Variants in OR1J2 observed in about 807,000 individuals in gnomAD.
OR1J2 encodes the protein olfactory receptor family 1 subfamily J member 2, also known as olfactory receptor 1J2.
For missense variants in OR1J2, 304 were observed against 246.1 expected (o/e 1.24, Z -1.57); for synonymous variants, 142 against 99.7 (o/e 1.42, Z -2.52).
At chr9:122,493,694 T>C in the OR1J2 span, among the ~76,000 whole-genome samples, 1 of 152,184 alleles carries the variant, frequency 6.6e-6, no homozygotes, top group East Asian at 1.9e-4. Context: ...TTTGTTTCAT[T>C]TAGTTCTGCT....
chr9:122,451,371 G>T, the OR1J2 span, among the ~76,000 whole-genome samples: 1 of 151,918 alleles, frequency 6.6e-6, no homozygotes, highest in Non-Finnish European at 1.5e-5. Flanking sequence ...TTTTAGTAGA[G>T]ATGGGGTTTC....
the OR1J2 span, among the ~76,000 whole-genome samples, chr9:122,576,582 A>G: frequency 6.6e-6 from 1 of 151,982 alleles, no homozygotes; most frequent in East Asian, 1.9e-4. Context: ...GGTTGTTTCC[A>G]TATCTTGGCT....
At chr9:122,539,563 C>T in the OR1J2 span, among the ~76,000 whole-genome samples, 5 of 151,678 alleles carry the variant, frequency 3.3e-5, no homozygotes, top group Admixed American at 1.3e-4. Context: ...TGAATAGTGC[C>T]GCAATAAACA....
the OR1J2 span, among the ~76,000 whole-genome samples, chr9:122,448,307 A>G: frequency 1.3e-5 from 2 of 152,302 alleles, no homozygotes; most frequent in East Asian, 3.9e-4. Context: ...GTAAAGAGTA[A>G]CAGAGCAGTA....
At chr9:122,450,217 C>G in the OR1J2 span, among the ~76,000 whole-genome samples, 1 of 152,050 alleles carries the variant, frequency 6.6e-6, no homozygotes, top group East Asian at 1.9e-4. Flanking sequence ...GATCACTTGA[C>G]ACCAGGAGTT....
the OR1J2 span, among the ~76,000 whole-genome samples, chr9:122,488,287 G>A: frequency 6.6e-6 from 1 of 152,116 alleles, no homozygotes; most frequent in Admixed American, 6.5e-5. Context: ...ACAGGTGTGT[G>A]CCACCACGTC....
upstream of OR1J2, among the ~76,000 whole-genome samples, chr9:122,507,149 A>T (rs998130575): frequency 6.4e-4 from 98 of 152,212 alleles, no homozygotes; most frequent in African/African-American, 2.2e-3. Flanking sequence ...CATGTGCCTT[A>T]TAAGGACAAA....
chr9:122,562,275 G>T, the OR1J2 span, among the ~76,000 whole-genome samples: 2 of 152,274 alleles, frequency 1.3e-5, no homozygotes, highest in African/African-American at 4.8e-5. Flanking sequence ...AGCAGTCCCA[G>T]TGTTGGCTGC....
At chr9:122,494,759 G>A in the OR1J2 span, among the ~76,000 whole-genome samples, 2 of 152,084 alleles carry the variant, frequency 1.3e-5, no homozygotes, top group Non-Finnish European at 2.9e-5. Context: ...TATTTTCATG[G>A]TGTTATTGTT....
the OR1J2 span, among the ~76,000 whole-genome samples, chr9:122,576,560 G>T: frequency 7.2e-5 from 11 of 152,174 alleles, no homozygotes; most frequent in Admixed American, 5.9e-4. Flanking sequence ...TTCACTCATT[G>T]TTGGGCAGTT....
the OR1J2 span, among the ~76,000 whole-genome samples, chr9:122,544,671 G>A: frequency 2.0e-5 from 3 of 151,858 alleles, no homozygotes; most frequent in African/African-American, 4.8e-5. Context: ...TGCCCTCCTC[G>A]GCCTCCCAAA....
At chr9:122,448,720 G>T in the OR1J2 span, among the ~76,000 whole-genome samples, 1 of 152,132 alleles carries the variant, frequency 6.6e-6, no homozygotes, top group African/African-American at 2.4e-5. Context: ...CTGTTAACAA[G>T]GCACATCCTG....
chr9:122,514,456 T>G (rs1463930411), downstream of OR1J2, among the ~76,000 whole-genome samples: 2 of 152,188 alleles, frequency 1.3e-5, no homozygotes, highest in African/African-American at 4.8e-5. Context: ...AGGACATGAT[T>G]TCATTCTTTT....
chr9:122,522,552 G>A, the OR1J2 span, among the ~76,000 whole-genome samples: 1 of 151,594 alleles, frequency 6.6e-6, no homozygotes, highest in Non-Finnish European at 1.5e-5. Context: ...TGTTGTGATG[G>A]TTATATTATT....
chr9:122,519,971 G>A, the OR1J2 span: 2 of 1,613,974 alleles, frequency 1.2e-6, no homozygotes, highest in Non-Finnish European at 8.5e-7. Context: ...CCTCTGTGAT[G>A]TACACGGTGA....
At chr9:122,451,750 C>A in the OR1J2 span, among the ~76,000 whole-genome samples, 9 of 152,300 alleles carry the variant, frequency 5.9e-5, no homozygotes, top group Admixed American at 2.0e-4. Flanking sequence ...AATTTCCTAG[C>A]CTTCTCAGCA....
the OR1J2 span, among the ~76,000 whole-genome samples, chr9:122,522,226 A>G: frequency 6.6e-6 from 1 of 152,244 alleles, no homozygotes; most frequent in East Asian, 1.9e-4. Flanking sequence ...ATTTTTTTTC[A>G]CAAGTTAACA....
chr9:122,451,839 C>T, the OR1J2 span, among the ~76,000 whole-genome samples: 1 of 152,130 alleles, frequency 6.6e-6, no homozygotes, highest in African/African-American at 2.4e-5. Context: ...TCCAGGTTCC[C>T]TCTGGTCTGG....
At chr9:122,575,288 G>A in the OR1J2 span, among the ~76,000 whole-genome samples, 10 of 152,122 alleles carry the variant, frequency 6.6e-5, no homozygotes, top group East Asian at 1.9e-3. Context: ...TAAATGTTTA[G>A]TAGAATTCAC....
Sources: gnomAD v4.1 joint callset for allele counts (sites outside exome capture counted in the v4.1 genomes callset) on GRCh38, gnomAD v4.1.1 for gene constraint, MANE v1.5 for transcripts, NCBI Gene and HGNC (gene_info 2026-07-23, HGNC 2026-07-21) for gene names.